NOTO: variants seen among roughly 807,000 people sequenced by gnomAD.
The protein encoded by NOTO is homeobox protein notochord.
In NOTO, 19 loss-of-function variants were observed where a neutral mutation model predicts 20.5. That is an observed-to-expected ratio of 0.93 (90% confidence interval 0.65 to 1.36). The LOEUF is 1.36. Among genes scored for constraint, NOTO ranks in the 40% most tolerant of loss-of-function variants. The probability of loss-of-function intolerance (pLI) is 0.00; values close to 1 mark genes in which losing one functional copy is unlikely to be tolerated. For synonymous variants in NOTO, 150 were observed against 150.2 expected (o/e 1.00, Z 0.01); for missense variants, 369 against 336.2 (o/e 1.10, Z -0.76).
intron 1 of NOTO, among the ~76,000 whole-genome samples, chr2:73,204,477 C>T (rs1436437528): frequency 6.6e-6 from 1 of 152,168 alleles, no homozygotes; most frequent in African/African-American, 2.4e-5. Flanking sequence ...TTGCCGGGTT[C>T]CTACTCCGTG....
intron 1 of NOTO, 75 bp downstream of exon 1, chr2:73,203,123 C>T: frequency 7.8e-7 from 1 of 1,279,270 alleles, no homozygotes; most frequent in Non-Finnish European, 1.0e-6. Context: ...TGCCGGCGCC[C>T]CAGTGCAGGA....
chr2:73,210,705 C>T (rs558548536), intron 2 of NOTO, 66 bp from the exon 3 acceptor site: 9 of 1,396,204 alleles, frequency 6.4e-6, no homozygotes, highest in Non-Finnish European at 7.8e-6. Flanking sequence ...GGTGTTCACT[C>T]CAGGAATTAG....
chr2:73,211,101 T>C lies in NOTO; in HGVS notation c.*172T>C, dbSNP rs377356858. 1.1e-5 allele frequency: 6 copies of C among 556,046 alleles called. No homozygotes were observed. The highest frequency in any genetic ancestry group is 6.1e-5 in the East Asian group (2 of 32,712). 34.4% of individuals were successfully genotyped at this position (556,046 alleles called of 1,614,324 possible). On this transcript the variant is annotated 3_prime_UTR_variant, in exon 3 of 3. Transcript: ENST00000398468. ...ATTCCTGGAAACTGGAATAATGTAA[T>C]GATTGGAGGCACAGACTCTGGCCTT...
intron 1 of NOTO, among the ~76,000 whole-genome samples, chr2:73,204,769 A>C (rs148614691): frequency 4.6e-5 from 7 of 151,632 alleles, no homozygotes; most frequent in African/African-American, 1.7e-4. Context: ...CAGTGGCGCT[A>C]TCTCTGCTCA....
At chr2:73,203,305 C>T (rs2103688058) in intron 1 of NOTO, among the ~76,000 whole-genome samples, 1 of 152,318 alleles carries the variant, frequency 6.6e-6, no homozygotes, top group South Asian at 2.1e-4. Flanking sequence ...GGCGGCGCAG[C>T]GCCTGAATGC....
intron 1 of NOTO, among the ~76,000 whole-genome samples, chr2:73,205,461 G>A (rs1686076800): frequency 6.6e-6 from 1 of 152,078 alleles, no homozygotes; most frequent in African/African-American, 2.4e-5. Flanking sequence ...TCAAGCCACT[G>A]AACTCCAGCC....
At chr2:73,205,170 A>T (rs1167358350) in intron 1 of NOTO, among the ~76,000 whole-genome samples, 1 of 151,942 alleles carries the variant, frequency 6.6e-6, no homozygotes, top group Non-Finnish European at 1.5e-5. Context: ...CCATATGTAT[A>T]GTTGGTTATT....
At chr2:73,207,229 C>G (rs1340482745) in intron 1 of NOTO, among the ~76,000 whole-genome samples, 1 of 152,092 alleles carries the variant, frequency 6.6e-6, no homozygotes, top group Admixed American at 6.5e-5. Context: ...TTTGGTCTAC[C>G]TTGGCAGGCA....
At chr2:73,205,213 T>C (rs932736256) in intron 1 of NOTO, among the ~76,000 whole-genome samples, 1 of 152,120 alleles carries the variant, frequency 6.6e-6, no homozygotes, top group African/African-American at 2.4e-5. Flanking sequence ...CTCTTTTCTA[T>C]TGAGGAAATT....
rs1686197954 is a variant in NOTO, at chr2:73,212,391, G to A, written c.*1462G>A. On this transcript the variant is annotated 3_prime_UTR_variant, in exon 3 of 3. Coordinates refer to ENST00000398468, the MANE Select transcript of NOTO (RefSeq NM_001134462.2). ...ATTCCAGGCTTCAAGTGGTTCTCCT[G>A]CCTTGGCCTCCCAAAGCCCCATCTT... The A allele has an allele frequency of 6.6e-6, 1 of 152,234 alleles. No homozygotes were observed. The highest frequency in any genetic ancestry group is 2.1e-4 in the South Asian group (1 of 4,834). 9.4% of individuals were successfully genotyped at this position (152,234 alleles called of 1,614,324 possible). A position where few individuals can be genotyped will look rare whatever the true frequency, so the allele number is the denominator to read the frequency against.
At position 73,202,776 on chromosome 2, in the gene NOTO, A is replaced by T; in HGVS notation, c.110A>T (p.Asn37Ile). Residue 37 changes from asparagine to isoleucine, a missense_variant, in exon 1 of 3, where the codon AAC becomes ATC. Asn to Ile is a moderately radical substitution (Grantham distance 149). Coordinates refer to ENST00000398468, the MANE Select transcript of NOTO (RefSeq NM_001134462.2). ...SPAPRSPTGP[N>I]TPRAPGRFES... is the part of the protein sequence containing the mutation. ...GCGCCCAGGTCCCCTACTGGCCCGA[A>T]CACGCCCCGCGCTCCCGGACGCTTC... 1 of 1,522,946 alleles carries T rather than the reference A, an allele frequency of 6.6e-7. No individual in the cohort carries two copies. The highest frequency in any genetic ancestry group is 1.2e-5 in the South Asian group (1 of 82,972). 94.3% of individuals were successfully genotyped at this position (1,522,946 alleles called of 1,614,324 possible). A position where few individuals can be genotyped will look rare whatever the true frequency, so the allele number is the denominator to read the frequency against.
chr2:73,202,985 T>A lies in NOTO; in HGVS notation c.319T>A (p.Phe107Ile). 1 of 1,488,718 alleles carries A rather than the reference T, an allele frequency of 6.7e-7. No homozygotes were observed. The highest frequency in any genetic ancestry group is 1.3e-5 in the South Asian group (1 of 77,902). The allele number at this position is 1,488,718 out of a possible 1,614,324, so 92.2% of individuals were successfully genotyped here. Reference sequence around the variant, plus strand: ...GCTGCCCGCCTACCTGAGCGTAGGTTTTTACCCTGTGCCAGGGCCGCGCGT... The same window carrying A: ...GCTGCCCGCCTACCTGAGCGTAGGTATTTACCCTGTGCCAGGGCCGCGCGT... The part of the protein sequence containing the change: ...SWLPAYLSVG[F>I]YPVPGPRVAP... Residue 107 changes from phenylalanine to isoleucine, a missense_variant, in exon 1 of 3, where the codon TTT becomes ATT. Phe to Ile is a conservative substitution (Grantham distance 21). Transcript: ENST00000398468.
At chr2:73,210,145 G>A (rs1686158558) in intron 2 of NOTO, among the ~76,000 whole-genome samples, 1 of 152,202 alleles carries the variant, frequency 6.6e-6, no homozygotes, top group South Asian at 2.1e-4. Context: ...AGCCTCATGG[G>A]TGACATTCCT....
At chr2:73,203,314 G>T (rs1054603170) in intron 1 of NOTO, among the ~76,000 whole-genome samples, 1 of 152,210 alleles carries the variant, frequency 6.6e-6, no homozygotes, top group Non-Finnish European at 1.5e-5. Context: ...GCGCCTGAAT[G>T]CGGTGGGCAG....
At chr2:73,203,123 C>A in intron 1 of NOTO, 75 bp downstream of exon 1, 1 of 1,279,270 alleles carries the variant, frequency 7.8e-7, no homozygotes, top group Non-Finnish European at 1.0e-6. Flanking sequence ...TGCCGGCGCC[C>A]CAGTGCAGGA....
At position 73,202,627 on chromosome 2, in the gene NOTO, G is replaced by A. The variant is rs1686018300; in HGVS notation, c.-40G>A. ...TTTGCAGAATCTTCTCACTTCTCCC[G>A]AGCTCCCTTCCTTGCGTCCGTCCGG... On this transcript the variant is annotated 5_prime_UTR_variant, in exon 1 of 3. Transcript: ENST00000398468. 1 of 1,414,974 alleles carries A rather than the reference G, an allele frequency of 7.1e-7. No homozygotes were observed. The highest frequency in any genetic ancestry group is 9.2e-7 in the Non-Finnish European group (1 of 1,092,614). 87.7% of individuals were successfully genotyped at this position (1,414,974 alleles called of 1,614,324 possible). A position where few individuals can be genotyped will look rare whatever the true frequency, so the allele number is the denominator to read the frequency against.
chr2:73,202,632 C>A lies in NOTO; in HGVS notation c.-35C>A. ...AGAATCTTCTCACTTCTCCCGAGCT[C>A]CCTTCCTTGCGTCCGTCCGGGCAAC... On this transcript the variant is annotated 5_prime_UTR_variant, in exon 1 of 3. Coordinates refer to ENST00000398468, the MANE Select transcript of NOTO (RefSeq NM_001134462.2). 7.0e-7 allele frequency: 1 copy of A among 1,424,228 alleles called. No homozygotes were observed. 88.2% of individuals were successfully genotyped at this position (1,424,228 alleles called of 1,614,324 possible).
rs1394046609 is a variant in NOTO, at chr2:73,203,992, A to G, written c.382+944A>G. On this transcript the variant is annotated intron_variant, in intron 1 of 2. Coordinates refer to ENST00000398468, the MANE Select transcript of NOTO (RefSeq NM_001134462.2). The stretch of plus-strand genomic sequence containing the variant: ...CGCGTGCCTGTAGTCCCAGCTACAC[A>G]GGAGGCTGAGGCAGGAGAATGGCGT... Among the ~76,000 whole-genome samples the G allele has an allele frequency of 1.6e-5, 2 of 127,476 alleles. 1 individual carries two copies. Among genetic ancestry groups the G allele is most frequent in the African/African-American group, 7.2e-5 (2 of 27,808 alleles). 83.6% of individuals were successfully genotyped at this position (127,476 alleles called of 152,430 possible).
chr2:73,205,724 C>G (rs961529732), intron 1 of NOTO, among the ~76,000 whole-genome samples: 2 of 151,986 alleles, frequency 1.3e-5, no homozygotes, highest in African/African-American at 4.8e-5. Flanking sequence ...ACTGCAGCCT[C>G]AATGTTCCAG....
Sources: allele counts gnomAD v4.1 joint callset (sites outside exome capture counted in the v4.1 genomes callset), GRCh38; gene constraint gnomAD v4.1.1; transcripts MANE v1.5; gene names NCBI Gene and HGNC (gene_info 2026-07-23, HGNC 2026-07-21).